The following MYO1D variants were observed in gnomAD, a reference collection of about 807,000 sequenced individuals.
MYO1D encodes the protein unconventional myosin-Id.
In MYO1D, 83 loss-of-function variants were observed where a neutral mutation model predicts 122.0. That is an observed-to-expected ratio of 0.68 (90% CI 0.57 to 0.82). MYO1D has a LOEUF of 0.82. MYO1D is among the 40% of genes least tolerant of loss of function. The pLI, the probability that MYO1D is intolerant of heterozygous loss-of-function variation, is 0.00. For synonymous variants in MYO1D, 464 were observed against 446.9 expected, an observed-to-expected ratio of 1.04 and a Z score of -0.48; for missense variants, 1,157 against 1,269.5, an observed-to-expected ratio of 0.91 and a Z score of 1.35.
At chr17:32,721,324 A>G in intron 14 of MYO1D, 135 bp from the exon 15 acceptor site, 1 of 804,302 alleles carries the variant, frequency 1.2e-6, no homozygotes, top group Non-Finnish European at 1.9e-6. Context: ...ACTTGTGAAT[A>G]AAGTAGTTAT....
intron 19 of MYO1D, among the ~76,000 whole-genome samples, chr17:32,649,970 T>C (rs183494794): frequency 6.6e-6 from 1 of 152,342 alleles, no homozygotes; most frequent in African/African-American, 2.4e-5. Context: ...CATTGGTATA[T>C]AGTCAATTAC....
chr17:32,768,298 CT>C (rs1210824601), intron 6 of MYO1D, among the ~76,000 whole-genome samples: 1 of 152,228 alleles, frequency 6.6e-6, no homozygotes, highest in Non-Finnish European at 1.5e-5. Context: ...GGGACTATAA[CT>C]TCATTCTTTC....
At chr17:32,744,348 C>T (rs1391544097) in intron 13 of MYO1D, among the ~76,000 whole-genome samples, 1 of 152,168 alleles carries the variant, frequency 6.6e-6, no homozygotes, top group African/African-American at 2.4e-5. Flanking sequence ...CTTCCCAGCC[C>T]CTCCTCATCT....
At chr17:32,794,935 G>A (rs1409383901) in intron 1 of MYO1D, among the ~76,000 whole-genome samples, 4 of 152,222 alleles carry the variant, frequency 2.6e-5, no homozygotes, top group Admixed American at 1.3e-4. Flanking sequence ...AAGGAATGAC[G>A]GGTTCTCTGG....
At chr17:32,768,816 C>A (rs903450016) in intron 6 of MYO1D, among the ~76,000 whole-genome samples, 1 of 151,996 alleles carries the variant, frequency 6.6e-6, no homozygotes, top group Admixed American at 6.6e-5. Flanking sequence ...CAAAAAAAAA[C>A]CACTCAGCAG....
intron 1 of MYO1D, among the ~76,000 whole-genome samples, chr17:32,795,749 G>T (rs2090408898): frequency 1.3e-5 from 2 of 152,220 alleles, no homozygotes; most frequent in African/African-American, 2.4e-5. Context: ...GAAGGAGGAA[G>T]AGAGTCCGCC....
At chr17:32,650,753 AT>A (rs2088377509) in intron 19 of MYO1D, among the ~76,000 whole-genome samples, 2 of 152,200 alleles carry the variant, frequency 1.3e-5, no homozygotes, top group African/African-American at 4.8e-5. Flanking sequence ...CATTAAAAAA[AT>A]CTTCCATGTG....
intron 19 of MYO1D, among the ~76,000 whole-genome samples, chr17:32,651,045 G>C (rs910706819): frequency 2.6e-5 from 4 of 152,050 alleles, no homozygotes; most frequent in Non-Finnish European, 5.9e-5. Flanking sequence ...AGGTTACTTG[G>C]GAACAGTTTG....
intron 1 of MYO1D, among the ~76,000 whole-genome samples, chr17:32,854,715 A>G (rs1311088108): frequency 1.3e-5 from 2 of 152,336 alleles, no homozygotes; most frequent in East Asian, 1.9e-4. Flanking sequence ...CTTGAAAGGC[A>G]TCTGAGACTC....
rs114377950 is a variant in MYO1D at position 32,563,074 on chromosome 17, C to A, written c.2864+42013G>T. Among the ~76,000 whole-genome samples, 22 of 152,042 alleles carry A rather than the reference C, an allele frequency of 1.4e-4. 2 individuals carry two copies. The highest frequency in any genetic ancestry group is 4.3e-4 in the African/African-American group (18 of 41,478). On this transcript the variant is annotated intron_variant, in intron 21 of 21. Transcript: ENST00000318217. ...AATTATACTGACTTGAAGGAAAAAT[C>A]GTATCTCATTGTTTTGTTAAGACAT...
chr17:32,720,283 A>G (rs1178751948), intron 15 of MYO1D, among the ~76,000 whole-genome samples: 4 of 152,120 alleles, frequency 2.6e-5, no homozygotes, highest in African/African-American at 7.2e-5. Context: ...AATAGCAACA[A>G]TATATTACAC....
chr17:32,620,454 G>T (rs1376164424), intron 20 of MYO1D, among the ~76,000 whole-genome samples: 1 of 152,156 alleles, frequency 6.6e-6, no homozygotes, highest in Non-Finnish European at 1.5e-5. Flanking sequence ...AGAAAGAGCA[G>T]GCTCTTCTCT....
chr17:32,688,743 G>A (rs182881255), intron 16 of MYO1D, among the ~76,000 whole-genome samples: 9 of 152,160 alleles, frequency 5.9e-5, no homozygotes, highest in Admixed American at 3.9e-4. Flanking sequence ...TTTGAACGGA[G>A]ACACAACACC....
At chr17:32,852,378 C>T (rs1304061643) in intron 1 of MYO1D, among the ~76,000 whole-genome samples, 1 of 152,144 alleles carries the variant, frequency 6.6e-6, no homozygotes, top group African/African-American at 2.4e-5. Flanking sequence ...CCACCCACCT[C>T]GGCCTCCCAA....
intron 21 of MYO1D, among the ~76,000 whole-genome samples, chr17:32,523,832 A>C (rs917472782): frequency 6.7e-6 from 1 of 149,980 alleles, no homozygotes; most frequent in African/African-American, 2.4e-5. Flanking sequence ...CCCTGGAGTG[A>C]GAGTGGTCGG....
intron 1 of MYO1D, among the ~76,000 whole-genome samples, chr17:32,838,369 CT>C (rs1165740390): frequency 6.6e-6 from 1 of 152,180 alleles, no homozygotes. Context: ...TGCTTCTGGA[CT>C]GTCTTTTCAG....
At chr17:32,780,520 TCAAA>T in intron 2 of MYO1D, 52 bp downstream of exon 2, 1 of 1,535,292 alleles carries the variant, frequency 6.5e-7, no homozygotes, top group Non-Finnish European at 9.0e-7. Context: ...TTCTTGAGTA[TCAAA>T]CAAATTAAAC....
Position 32,494,870 on chromosome 17 carries a change from G to A in MYO1D, c.2910C>T (p.Cys970=). ...LQVNVTNPVQ[C]SLHGKKCTVS... ...CGGTGCACTTCTTCCCGTGCAGGCT[G>A]CACTGTACTGGGTTGGTGACGTTCA... is the stretch of plus-strand genomic sequence containing the variant. Residue 970 remains cysteine, a synonymous_variant, in exon 22 of 22, where the codon TGC becomes TGT. Transcript: ENST00000318217. The A allele has an allele frequency of 1.2e-6, 2 of 1,614,012 alleles. No homozygotes were observed. The highest frequency in any genetic ancestry group is 1.7e-6 in the Non-Finnish European group (2 of 1,179,948).
chr17:32,781,734 CAAAA>C (rs35583086), intron 1 of MYO1D, among the ~76,000 whole-genome samples: 1 of 108,358 alleles, frequency 9.2e-6, no homozygotes. Flanking sequence ...GGCCACAGGA[CAAAA>C]AAAAAAAAAA....
Sources: allele counts gnomAD v4.1 joint callset (sites outside exome capture counted in the v4.1 genomes callset), GRCh38; gene constraint gnomAD v4.1.1; transcripts MANE v1.5; gene names NCBI Gene and HGNC (gene_info 2026-07-23, HGNC 2026-07-21).